HS6ST3: variants seen among roughly 807,000 people sequenced by gnomAD.
HS6ST3 encodes heparan-sulfate 6-O-sulfotransferase 3.
HS6ST3 carries 12 observed loss-of-function variants against 36.7 expected under a neutral mutation model. The ratio of observed to expected loss-of-function variants is 0.33; its 90% CI spans 0.21 to 0.53. The LOEUF is 0.53. HS6ST3 is among the 20% of genes least tolerant of loss of function. HS6ST3 has a pLI of 0.95. For synonymous variants in HS6ST3, 240 were observed against 257.5 expected (o/e 0.93, Z 0.65); for missense variants, 584 against 640.9 (o/e 0.91, Z 0.96).
chr13:96,524,733 G>A (rs1288899044), intron 1 of HS6ST3, among the ~76,000 whole-genome samples: 1 of 152,232 alleles, frequency 6.6e-6, no homozygotes, highest in Non-Finnish European at 1.5e-5. Flanking sequence ...TTGGGCAGGA[G>A]TGTACCGTTC....
intron 1 of HS6ST3, among the ~76,000 whole-genome samples, chr13:96,554,371 C>A (rs1196737452): frequency 2.0e-5 from 3 of 152,040 alleles, no homozygotes; most frequent in Non-Finnish European, 4.4e-5. Context: ...CAGAAATCAC[C>A]AATTAAGATG....
intron 1 of HS6ST3, among the ~76,000 whole-genome samples, chr13:96,731,442 A>G (rs960010791): frequency 6.6e-6 from 1 of 152,114 alleles, no homozygotes; most frequent in African/African-American, 2.4e-5. Context: ...TTATGGCTGT[A>G]TAGTATCCCA....
chr13:96,624,215 C>T (rs987160095), intron 1 of HS6ST3, among the ~76,000 whole-genome samples: 22 of 151,972 alleles, frequency 1.4e-4, no homozygotes, highest in African/African-American at 2.9e-4. Context: ...TATGCCATTA[C>T]GGCTTAAGTA....
At chr13:96,744,140 A>G (rs1427473007) in intron 1 of HS6ST3, among the ~76,000 whole-genome samples, 2 of 151,988 alleles carry the variant, frequency 1.3e-5, no homozygotes, top group African/African-American at 2.4e-5. Flanking sequence ...CCAAGATATA[A>G]GCTACATTAT....
At position 96,090,937 on chromosome 13, in the gene HS6ST3, C is replaced by T. The variant is rs568161502; in HGVS notation, c.75C>T (p.Tyr25=). 1.5e-5 allele frequency: 23 copies of T among 1,487,074 alleles called. No homozygotes were observed. Among genetic ancestry groups the T allele is most frequent in the African/African-American group, 2.9e-5 (2 of 69,036 alleles). The allele number at this position is 1,487,074 out of a possible 1,614,324, so 92.1% of individuals were successfully genotyped here. ...TCTTCGTGGTCATCATGTACCAGTA[C>T]GTGTCCCCCTCCTGCACCAGCTCCT... is the stretch of plus-strand genomic sequence containing the variant. ...TLLFVVIMYQ[Y]VSPSCTSSCT... is the part of the protein sequence containing the mutation. Residue 25 remains tyrosine (Y), a synonymous_variant, in exon 1 of 2, where the codon TAC becomes TAT. Coordinates refer to ENST00000376705, the MANE Select transcript of HS6ST3 (RefSeq NM_153456.4).
At position 96,671,660 on chromosome 13, in the gene HS6ST3, C is replaced by T. The variant is rs1002163; in HGVS notation, c.708-160830C>T. 6.5e-3 allele frequency among the ~76,000 whole-genome samples: 994 copies of T among 152,142 alleles called. 9 individuals carry two copies. The highest frequency in any genetic ancestry group is 0.023 in the African/African-American group (940 of 41,532). On this transcript the variant is annotated intron_variant, in intron 1 of 1. Coordinates refer to ENST00000376705, the MANE Select transcript of HS6ST3 (RefSeq NM_153456.4). The stretch of plus-strand genomic sequence containing the variant: ...CTCTCCTTGACTTACAGATGGCCTT[C>T]ATGTTCTCTTGGTGTTCTCCCTGTG...
At chr13:96,349,175 A>G (rs2139430083) in intron 1 of HS6ST3, among the ~76,000 whole-genome samples, 1 of 152,310 alleles carries the variant, frequency 6.6e-6, no homozygotes, top group South Asian at 2.1e-4. Flanking sequence ...TAGTAGTGCA[A>G]TTTTCAGTTA....
At chr13:96,453,180 TAAA>T (rs56996268) in intron 1 of HS6ST3, among the ~76,000 whole-genome samples, 1 of 135,806 alleles carries the variant, frequency 7.4e-6, no homozygotes. Context: ...ATGCTCTTTT[TAAA>T]AAAAAAAAAA....
At chr13:96,799,995 TA>T in intron 1 of HS6ST3, among the ~76,000 whole-genome samples, 1 of 115,304 alleles carries the variant, frequency 8.7e-6, no homozygotes, top group East Asian at 2.3e-4. Flanking sequence ...TATATATATA[TA>T]TGTATATATA....
intron 1 of HS6ST3, among the ~76,000 whole-genome samples, chr13:96,489,121 T>G (rs937513372): frequency 6.6e-6 from 1 of 152,100 alleles, no homozygotes; most frequent in African/African-American, 2.4e-5. Flanking sequence ...CTAAAATACA[T>G]CTTTATATTA....
chr13:96,462,031 A>G (rs9300358), intron 1 of HS6ST3, among the ~76,000 whole-genome samples: 45,868 of 152,030 alleles, frequency 0.3, 7,235 homozygotes, highest in South Asian at 0.46. Flanking sequence ...ATTGATTACT[A>G]TGTCACACAA....
chr13:96,758,134 T>C (rs1594853350), intron 1 of HS6ST3, among the ~76,000 whole-genome samples: 1 of 152,132 alleles, frequency 6.6e-6, no homozygotes, highest in East Asian at 1.9e-4. Flanking sequence ...TTTTAGCTAT[T>C]CATTTTTTTC....
intron 1 of HS6ST3, among the ~76,000 whole-genome samples, chr13:96,534,916 C>T (rs573337587): frequency 3.3e-5 from 5 of 152,214 alleles, no homozygotes; most frequent in East Asian, 1.9e-4. Context: ...GCAGAGATCA[C>T]GCCACTGCAC....
chr13:96,194,565 CA>C (rs1374187090), intron 1 of HS6ST3, among the ~76,000 whole-genome samples: 2 of 152,050 alleles, frequency 1.3e-5, no homozygotes, highest in African/African-American at 4.8e-5. Flanking sequence ...TTATCATCAT[CA>C]AACTAATTAA....
chr13:96,121,205 A>G (rs1413291681), intron 1 of HS6ST3, among the ~76,000 whole-genome samples: 1 of 152,216 alleles, frequency 6.6e-6, no homozygotes, highest in Non-Finnish European at 1.5e-5. Context: ...TTTTAAAAGT[A>G]TGTAATTTCT....
At chr13:96,668,900 A>G (rs768289155) in intron 1 of HS6ST3, among the ~76,000 whole-genome samples, 1 of 151,818 alleles carries the variant, frequency 6.6e-6, no homozygotes, top group African/African-American at 2.4e-5. Context: ...TATGGATACC[A>G]TGTCTCAAGT....
At chr13:96,460,693 C>T (rs1394635379) in intron 1 of HS6ST3, among the ~76,000 whole-genome samples, 1 of 152,126 alleles carries the variant, frequency 6.6e-6, no homozygotes, top group Non-Finnish European at 1.5e-5. Context: ...TGTGGGAGGC[C>T]ATTACTTCAG....
rs772962386 is a variant in HS6ST3 at position 96,469,848 on chromosome 13, G to T, written c.708-362642G>T. Among the ~76,000 whole-genome samples the T allele has an allele frequency of 2.0e-5, 3 of 152,084 alleles. No individual in the cohort carries two copies. The South Asian group carries it at 6.2e-4, about 32-fold the overall frequency. On this transcript the variant is annotated intron_variant, in intron 1 of 1. Transcript: ENST00000376705. ...CATCCCACTTAAGGGTCTGGGAAAC[G>T]TGACTGGTACAACACTTACAAAAAT...
chr13:96,728,911 G>C (rs1876073649), intron 1 of HS6ST3, among the ~76,000 whole-genome samples: 1 of 152,192 alleles, frequency 6.6e-6, no homozygotes, highest in Non-Finnish European at 1.5e-5. Context: ...TGGAAAGAGA[G>C]AGAGTGGAAG....
Sources: gnomAD v4.1 joint callset for allele counts (sites outside exome capture counted in the v4.1 genomes callset) on GRCh38, gnomAD v4.1.1 for gene constraint, MANE v1.5 for transcripts, NCBI Gene and HGNC (gene_info 2026-07-23, HGNC 2026-07-21) for gene names.